Variants in ZMAT4 observed in about 807,000 individuals in gnomAD.
ZMAT4 encodes the protein zinc finger matrin-type protein 4.
ZMAT4 carries 17 observed loss-of-function variants against 28.7 expected under a neutral mutation model. The observed-to-expected ratio is 0.59, with a 90% CI of 0.41 to 0.89. ZMAT4 has a LOEUF of 0.89. Ranked by LOEUF, ZMAT4 falls within the 40% of genes least tolerant of loss-of-function variation. ZMAT4 has a pLI of 0.00. For synonymous variants in ZMAT4, 117 were observed against 109.2 expected, an observed-to-expected ratio of 1.07 and a Z score of -0.44; for missense variants, 240 against 283.8, an observed-to-expected ratio of 0.85 and a Z score of 1.11.
intron 5 of ZMAT4, among the ~76,000 whole-genome samples, chr8:40,614,945 T>C (rs1805943592): frequency 6.6e-6 from 1 of 152,238 alleles, no homozygotes; most frequent in Non-Finnish European, 1.5e-5. Flanking sequence ...AATATTGTTA[T>C]GTGTGAGTTT....
At chr8:40,767,510 A>G (rs1264700505) in intron 3 of ZMAT4, 131 bp downstream of exon 3, 18 of 715,366 alleles carry the variant, frequency 2.5e-5, no homozygotes, top group Non-Finnish European at 4.0e-5. Flanking sequence ...TACCTGTAAT[A>G]TTTAGTGAGA....
intron 2 of ZMAT4, among the ~76,000 whole-genome samples, chr8:40,815,474 A>G (rs902398017): frequency 6.6e-6 from 1 of 152,144 alleles, no homozygotes; most frequent in African/African-American, 2.4e-5. Context: ...CTTGTAGAGG[A>G]GAGCAAAGGA....
chr8:40,797,712 T>G (rs1193608268), intron 2 of ZMAT4, among the ~76,000 whole-genome samples: 1 of 152,150 alleles, frequency 6.6e-6, no homozygotes, highest in Admixed American at 6.5e-5. Flanking sequence ...ACAGAAAGAT[T>G]GGTACAGCAC....
At chr8:40,811,472 A>G (rs1285904289) in intron 2 of ZMAT4, among the ~76,000 whole-genome samples, 1 of 152,206 alleles carries the variant, frequency 6.6e-6, no homozygotes, top group Non-Finnish European at 1.5e-5. Context: ...AATAGCAATC[A>G]GGAGGCATTC....
intron 3 of ZMAT4, among the ~76,000 whole-genome samples, chr8:40,714,215 C>T (rs971708962): frequency 7.2e-5 from 11 of 152,048 alleles, no homozygotes; most frequent in Non-Finnish European, 1.6e-4. Context: ...CTCTTCTTGA[C>T]CCAGAAAGTT....
At chr8:40,781,941 CT>C (rs1813854097) in intron 2 of ZMAT4, among the ~76,000 whole-genome samples, 1 of 152,014 alleles carries the variant, frequency 6.6e-6, no homozygotes, top group African/African-American at 2.4e-5. Flanking sequence ...CAGAAGTTAA[CT>C]CAAAATGTAT....
chr8:40,882,204 C>CT (rs1818304973), intron 1 of ZMAT4, among the ~76,000 whole-genome samples: 1 of 152,120 alleles, frequency 6.6e-6, no homozygotes, highest in Admixed American at 6.5e-5. Flanking sequence ...TTAGAGAGAT[C>CT]GATAGGGTTT....
intron 6 of ZMAT4, among the ~76,000 whole-genome samples, chr8:40,566,692 T>C (rs1438717518): frequency 1.3e-5 from 2 of 152,132 alleles, no homozygotes; most frequent in Non-Finnish European, 2.9e-5. Flanking sequence ...TGAATAGGAA[T>C]TATACTGACC....
In ZMAT4 at chr8:40,547,228, A is replaced by G. The variant is rs182057484; in HGVS notation, c.675-14990T>C. Among the ~76,000 whole-genome samples, 137 of 152,312 alleles carry G rather than the reference A, an allele frequency of 9.0e-4. 1 individual carries two copies. The highest frequency in any genetic ancestry group is 1.6e-3 in the Non-Finnish European group (106 of 68,038). On this transcript the variant is annotated intron_variant, in intron 6 of 6. Transcript: ENST00000297737. ...CCTGGGAGCCAGGAAGAAGGTGTTC[A>G]GTGATCTCATGAACGGCTGCTGGGG...
chr8:40,601,640 G>GAAAGAGAAAGCAGGCAGGCAGGC (rs1805370265), intron 5 of ZMAT4, among the ~76,000 whole-genome samples: 1 of 23,744 alleles, frequency 4.2e-5, no homozygotes, highest in African/African-American at 1.2e-4. Flanking sequence ...GAAAGAGAAA[G>GAAAGAGAAAGCAGGCAGGCAGGC]AAAGAAAGAA....
intron 6 of ZMAT4, among the ~76,000 whole-genome samples, chr8:40,573,213 G>A (rs555608852): frequency 5.9e-5 from 9 of 152,174 alleles, no homozygotes; most frequent in African/African-American, 1.9e-4. Context: ...GTGTCTAAAG[G>A]GTTGCCTAAA....
At chr8:40,674,181 G>C (rs1423345364) in intron 5 of ZMAT4, among the ~76,000 whole-genome samples, 1 of 140,416 alleles carries the variant, frequency 7.1e-6, no homozygotes, top group African/African-American at 2.7e-5. Context: ...TGCAATTTCT[G>C]CCTCCTGGGT....
chr8:40,675,897 A>G (rs1271460109), intron 4 of ZMAT4, among the ~76,000 whole-genome samples: 1 of 152,222 alleles, frequency 6.6e-6, no homozygotes, highest in Non-Finnish European at 1.5e-5. Flanking sequence ...CAGAATAGAC[A>G]TGTATCACTA....
intron 2 of ZMAT4, among the ~76,000 whole-genome samples, chr8:40,811,075 G>A (rs906579782): frequency 1.3e-5 from 2 of 152,202 alleles, no homozygotes; most frequent in Non-Finnish European, 2.9e-5. Flanking sequence ...CAATTGGTTG[G>A]AGAGTAGAGC....
chr8:40,847,366 A>C (rs1156620367), intron 1 of ZMAT4, among the ~76,000 whole-genome samples: 2 of 152,224 alleles, frequency 1.3e-5, no homozygotes, highest in African/African-American at 4.8e-5. Flanking sequence ...GTTACCCAGG[A>C]AAGCGCTCCT....
chr8:40,863,475 C>T (rs576684985), intron 1 of ZMAT4, among the ~76,000 whole-genome samples: 5 of 152,214 alleles, frequency 3.3e-5, no homozygotes, highest in South Asian at 4.2e-4. Context: ...CCCTCTGGCA[C>T]GTGGTGTGAA....
At chr8:40,732,305 G>T in intron 3 of ZMAT4, among the ~76,000 whole-genome samples, 1 of 152,102 alleles carries the variant, frequency 6.6e-6, no homozygotes, top group East Asian at 1.9e-4. Context: ...GCCTACAACG[G>T]GAAGGTCAGA....
At chr8:40,777,144 C>T (rs1304027924) in intron 2 of ZMAT4, among the ~76,000 whole-genome samples, 2 of 151,876 alleles carry the variant, frequency 1.3e-5, no homozygotes, top group African/African-American at 4.8e-5. Flanking sequence ...GTGATGAAAA[C>T]AATGGGAAGG....
At chr8:40,817,228 G>T (rs1430129283) in intron 2 of ZMAT4, among the ~76,000 whole-genome samples, 3 of 152,072 alleles carry the variant, frequency 2.0e-5, no homozygotes, top group Non-Finnish European at 2.9e-5. Flanking sequence ...ATTATTAAAA[G>T]AATAATATTA....
Sources: allele counts gnomAD v4.1 joint callset (sites outside exome capture counted in the v4.1 genomes callset), GRCh38; gene constraint gnomAD v4.1.1; transcripts MANE v1.5; gene names NCBI Gene and HGNC (gene_info 2026-07-23, HGNC 2026-07-21).